Variants in SGCD observed in about 807,000 individuals in gnomAD.
The protein encoded by SGCD is delta-sarcoglycan.
SGCD carries 18 observed loss-of-function variants against 36.6 expected under a neutral mutation model. That is an observed-to-expected ratio of 0.49 (90% CI 0.34 to 0.73). The LOEUF (loss-of-function observed/expected upper bound fraction) is 0.73. SGCD is among the 30% of genes least tolerant of loss of function. The pLI is 0.01. For synonymous variants in SGCD, 133 were observed against 130.6 expected (o/e 1.02, Z -0.12); for missense variants, 387 against 346.7 (o/e 1.12, Z -0.92).
chr5:156,192,255 A>G (rs1384152162), intron 3 of SGCD, among the ~76,000 whole-genome samples: 1 of 152,196 alleles, frequency 6.6e-6, no homozygotes, highest in African/African-American at 2.4e-5. Flanking sequence ...TGCTTAATTA[A>G]TCAGAAAATT....
chr5:155,736,275 C>T, the SGCD span, among the ~76,000 whole-genome samples: 1 of 152,142 alleles, frequency 6.6e-6, no homozygotes, highest in South Asian at 2.1e-4. Flanking sequence ...CTCGCATCTT[C>T]CCTGCATCCC....
intron 1 of SGCD, among the ~76,000 whole-genome samples, chr5:155,882,445 A>C (rs1295125425): frequency 6.6e-6 from 1 of 152,188 alleles, no homozygotes; most frequent in Non-Finnish European, 1.5e-5. Context: ...TACTTTGCCA[A>C]GGTCCATCAG....
intron 1 of SGCD, among the ~76,000 whole-genome samples, chr5:156,092,789 G>A (rs7712924): frequency 0.16 from 24,893 of 152,082 alleles, 3,238 homozygotes; most frequent in East Asian, 0.46. Flanking sequence ...GGAGGGATTG[G>A]GCATTCTGAC....
At chr5:155,923,320 C>T (rs1211009982) in intron 1 of SGCD, among the ~76,000 whole-genome samples, 4 of 152,086 alleles carry the variant, frequency 2.6e-5, no homozygotes, top group Admixed American at 6.5e-5. Context: ...TACACATTAT[C>T]GAAAAGGTTT....
chr5:156,423,184 A>ATACAATATAATATTATATTTTAT (rs1773411683), intron 3 of SGCD, among the ~76,000 whole-genome samples: 1 of 77,430 alleles, frequency 1.3e-5, no homozygotes, highest in East Asian at 3.2e-4. Flanking sequence ...ATAATTAATT[A>ATACAATATAATATTATATTTTAT]TATAATATAA....
At chr5:156,566,418 T>C (rs1426927113) in intron 4 of SGCD, among the ~76,000 whole-genome samples, 1 of 152,190 alleles carries the variant, frequency 6.6e-6, no homozygotes, top group Non-Finnish European at 1.5e-5. Flanking sequence ...ATCAAATCCC[T>C]GGGTTAGAAG....
Position 156,558,088 on chromosome 5 carries a change from A to AATGTAT in SGCD, c.295-31141_295-31140insGTATAT, listed in dbSNP as rs1330398244. On this transcript the variant is annotated intron_variant, in intron 4 of 8. Coordinates refer to ENST00000337851, the MANE Select transcript of SGCD (RefSeq NM_000337.6). ...ACTGAGTGTGTTATTAGTAAATACA[A>AATGTAT]ATATATATATATATATATATATATA... 5.1e-3 allele frequency among the ~76,000 whole-genome samples: 489 copies of AATGTAT among 95,564 alleles called. 7 individuals carry two copies. Among genetic ancestry groups the AATGTAT allele is most frequent in the African/African-American group, 0.019 (469 of 25,330 alleles). The allele number at this position is 95,564 out of a possible 152,430, so 62.7% of individuals were successfully genotyped here.
chr5:156,473,011 A>T (rs1446980376), intron 3 of SGCD, among the ~76,000 whole-genome samples: 1 of 152,228 alleles, frequency 6.6e-6, no homozygotes, highest in Non-Finnish European at 1.5e-5. Flanking sequence ...CAGTAAAAAA[A>T]ATAGCTGGTA....
At chr5:156,464,763 A>C (rs1052780679) in intron 3 of SGCD, among the ~76,000 whole-genome samples, 1 of 152,132 alleles carries the variant, frequency 6.6e-6, no homozygotes, top group African/African-American at 2.4e-5. Flanking sequence ...AATACACCAC[A>C]GTTCATGAAT....
chr5:156,571,988 A>C (rs1759743626), intron 4 of SGCD, among the ~76,000 whole-genome samples: 1 of 152,230 alleles, frequency 6.6e-6, no homozygotes, highest in Non-Finnish European at 1.5e-5. Context: ...ATTTCAGATA[A>C]ATAGTATCAT....
At chr5:156,389,019 G>C (rs927167382) in intron 3 of SGCD, among the ~76,000 whole-genome samples, 1 of 152,146 alleles carries the variant, frequency 6.6e-6, no homozygotes, top group Non-Finnish European at 1.5e-5. Context: ...TTCTTATCTA[G>C]AGTAAGGCTG....
At chr5:156,499,773 T>G (rs573816099) in intron 3 of SGCD, among the ~76,000 whole-genome samples, 1 of 152,246 alleles carries the variant, frequency 6.6e-6, no homozygotes, top group Admixed American at 6.5e-5. Context: ...ATTAAGAAGT[T>G]TGTTCTTTTC....
Position 156,340,168 on chromosome 5 carries a change from ATGC to A in SGCD, c.4-4320_4-4318del, listed in dbSNP as rs1323999516. 2.6e-5 allele frequency among the ~76,000 whole-genome samples: 4 copies of A among 152,236 alleles called. No homozygotes were observed. In the East Asian group the frequency reaches 7.7e-4, roughly 29 times the overall value. On this transcript the variant is annotated intron_variant, in intron 2 of 8. Coordinates refer to ENST00000337851, the MANE Select transcript of SGCD (RefSeq NM_000337.6). ...ACATATGGAACATTTATGATTATAT[ATGC>A]CAAATTCAATGTACAATGTATTATT...
At chr5:156,132,760 G>A (rs1281138673) in intron 3 of SGCD, among the ~76,000 whole-genome samples, 1 of 152,058 alleles carries the variant, frequency 6.6e-6, no homozygotes, top group Non-Finnish European at 1.5e-5. Context: ...GAGCCACCGC[G>A]CCCGGCCCTT....
intron 3 of SGCD, among the ~76,000 whole-genome samples, chr5:156,205,829 G>A (rs963966614): frequency 6.6e-6 from 1 of 151,724 alleles, no homozygotes; most frequent in African/African-American, 2.4e-5. Context: ...GAGTCAATGG[G>A]ATTCTCGTCG....
intron 3 of SGCD, among the ~76,000 whole-genome samples, chr5:156,348,259 A>G (rs1769049333): frequency 6.6e-6 from 1 of 152,146 alleles, no homozygotes; most frequent in African/African-American, 2.4e-5. Context: ...TAGCCAGAGC[A>G]ATCAAGAAAG....
chr5:155,985,377 G>A (rs1378516120), intron 1 of SGCD, among the ~76,000 whole-genome samples: 1 of 152,022 alleles, frequency 6.6e-6, no homozygotes, highest in African/African-American at 2.4e-5. Context: ...CCTCAGCTGT[G>A]GCCTCGAATT....
chr5:155,826,404 C>T, the SGCD span, among the ~76,000 whole-genome samples: 15 of 152,170 alleles, frequency 9.9e-5, no homozygotes, highest in South Asian at 2.1e-4. Flanking sequence ...ACAATAAATT[C>T]AAATTTACTG....
At chr5:156,188,987 T>G (rs185201486) in intron 3 of SGCD, among the ~76,000 whole-genome samples, 1 of 152,194 alleles carries the variant, frequency 6.6e-6, no homozygotes, top group African/African-American at 2.4e-5. Flanking sequence ...GTTTTCCCAG[T>G]GTACACATTA....
Sources: allele counts gnomAD v4.1 joint callset (sites outside exome capture counted in the v4.1 genomes callset), GRCh38; gene constraint gnomAD v4.1.1; transcripts MANE v1.5; gene names NCBI Gene and HGNC (gene_info 2026-07-23, HGNC 2026-07-21).